PDE4D: variants seen among roughly 807,000 people sequenced by gnomAD.
PDE4D encodes the protein 3',5'-cyclic-AMP phosphodiesterase 4D.
A neutral mutation model predicts 87.4 loss-of-function variants in PDE4D; 24 were observed. That is an observed-to-expected ratio of 0.27 (90% CI 0.20 to 0.39). The LOEUF is 0.39. Among genes scored for constraint, PDE4D ranks in the 10% least tolerant of loss-of-function variants. The probability of loss-of-function intolerance (pLI) is 1.00; values close to 1 mark genes in which losing one functional copy is unlikely to be tolerated. For synonymous variants in PDE4D, 384 were observed against 383.2 expected (o/e 1.00, Z -0.02); for missense variants, 714 against 1,041.0 (o/e 0.69, Z 4.32).
At chr5:60,494,812 T>G (rs1749724855) in intron 1 of PDE4D, among the ~76,000 whole-genome samples, 1 of 152,214 alleles carries the variant, frequency 6.6e-6, no homozygotes, top group Non-Finnish European at 1.5e-5. Context: ...TCAGGCCTCA[T>G]GAAGCATGAC....
intron 2 of PDE4D, among the ~76,000 whole-genome samples, chr5:60,089,932 G>A (rs34809636): frequency 0.2 from 30,188 of 151,172 alleles, 3,410 homozygotes; most frequent in African/African-American, 0.32. Flanking sequence ...AGAAATGGAT[G>A]AATTTCTGGA....
At chr5:59,699,145 A>T (rs1188813689) in intron 1 of PDE4D, among the ~76,000 whole-genome samples, 1 of 152,132 alleles carries the variant, frequency 6.6e-6, no homozygotes, top group Non-Finnish European at 1.5e-5. Flanking sequence ...CAGCTGGGGA[A>T]ATGTAATTCT....
chr5:59,568,061 C>T (rs911515903), intron 1 of PDE4D, among the ~76,000 whole-genome samples: 3 of 152,158 alleles, frequency 2.0e-5, no homozygotes, highest in Non-Finnish European at 2.9e-5. Flanking sequence ...GGAACGTGTG[C>T]TCCTTGGAGA....
chr5:60,431,421 TCA>T (rs1156353056), intron 1 of PDE4D, among the ~76,000 whole-genome samples: 3 of 149,116 alleles, frequency 2.0e-5, no homozygotes, highest in African/African-American at 7.5e-5. Flanking sequence ...GAGGCGCTCC[TCA>T]CATCCCAGAC....
chr5:60,360,092 TA>T (rs1759935655), intron 1 of PDE4D, among the ~76,000 whole-genome samples: 1 of 152,182 alleles, frequency 6.6e-6, no homozygotes, highest in Non-Finnish European at 1.5e-5. Context: ...CCCATAGAGC[TA>T]AAGTGGATGT....
At chr5:59,711,128 T>C (rs78595939) in intron 1 of PDE4D, among the ~76,000 whole-genome samples, 3,598 of 152,258 alleles carry the variant, frequency 0.024, 104 homozygotes, top group African/African-American at 0.071. Flanking sequence ...GCAGTAAGTA[T>C]GGAAATGTAT....
At chr5:59,751,436 G>C (rs1158836073) in intron 1 of PDE4D, among the ~76,000 whole-genome samples, 1 of 152,186 alleles carries the variant, frequency 6.6e-6, no homozygotes, top group East Asian at 1.9e-4. Flanking sequence ...TCCAACTATT[G>C]AAAGTGTTCA....
intron 1 of PDE4D, among the ~76,000 whole-genome samples, chr5:60,216,467 A>G (rs1743859344): frequency 6.6e-6 from 1 of 152,142 alleles, no homozygotes; most frequent in Non-Finnish European, 1.5e-5. Context: ...TTAAATGTAA[A>G]TGGATTAAAT....
At chr5:60,209,616 T>C (rs185249138) in intron 1 of PDE4D, among the ~76,000 whole-genome samples, 1 of 152,252 alleles carries the variant, frequency 6.6e-6, no homozygotes, top group African/African-American at 2.4e-5. Flanking sequence ...TTTTCCTAGT[T>C]TGGGCATAGT....
At chr5:59,562,073 C>T (rs1020049389) in intron 1 of PDE4D, among the ~76,000 whole-genome samples, 4 of 152,198 alleles carry the variant, frequency 2.6e-5, no homozygotes, top group African/African-American at 9.7e-5. Context: ...TTCTCTACTG[C>T]ATATGTCAAT....
intron 2 of PDE4D, among the ~76,000 whole-genome samples, chr5:60,167,142 T>A (rs567227204): frequency 1.3e-5 from 2 of 152,308 alleles, no homozygotes; most frequent in South Asian, 2.1e-4. Context: ...AACTTTCTAC[T>A]CCTTTGTTTT....
intron 1 of PDE4D, among the ~76,000 whole-genome samples, chr5:59,623,098 C>T (rs1830519213): frequency 6.6e-6 from 1 of 152,190 alleles, no homozygotes; most frequent in Non-Finnish European, 1.5e-5. Context: ...AATTGCATGA[C>T]TCATCCAAAT....
At chr5:59,072,503 C>T (rs55868449) in intron 5 of PDE4D, among the ~76,000 whole-genome samples, 45,377 of 152,024 alleles carry the variant, frequency 0.3, 7,064 homozygotes, top group Middle Eastern at 0.36. Flanking sequence ...CCTGCCTAGG[C>T]CCCCCTTGTC....
intron 1 of PDE4D, among the ~76,000 whole-genome samples, chr5:59,806,216 T>TA (rs1767716442): frequency 6.6e-6 from 1 of 152,272 alleles, no homozygotes; most frequent in East Asian, 1.9e-4. Flanking sequence ...TCCAAAGCCA[T>TA]ATCTGGATTT....
intron 1 of PDE4D, among the ~76,000 whole-genome samples, chr5:59,779,122 G>A (rs374120209): frequency 2.0e-3 from 301 of 151,536 alleles, no homozygotes; most frequent in South Asian, 5.4e-3. Flanking sequence ...AGATTGCACC[G>A]CTGCACTCCA....
intron 1 of PDE4D, among the ~76,000 whole-genome samples, chr5:60,203,781 G>A (rs1742189250): frequency 1.3e-5 from 2 of 152,232 alleles, no homozygotes; most frequent in Middle Eastern, 3.4e-3. Context: ...CTTAACTGGA[G>A]ATAGGATGTA....
At chr5:59,362,067 C>A (rs1472032604) in intron 1 of PDE4D, among the ~76,000 whole-genome samples, 1 of 152,104 alleles carries the variant, frequency 6.6e-6, no homozygotes. Context: ...TGTTGCCTGA[C>A]CTTGCTGAGT....
At chr5:59,908,344 T>A (rs1373940104) in intron 3 of PDE4D, among the ~76,000 whole-genome samples, 1 of 152,170 alleles carries the variant, frequency 6.6e-6, no homozygotes, top group Non-Finnish European at 1.5e-5. Context: ...ATGGAATTAC[T>A]TTTGGAAAAG....
chr5:59,973,948 A>G (rs941483307), intron 3 of PDE4D, among the ~76,000 whole-genome samples: 11 of 152,212 alleles, frequency 7.2e-5, no homozygotes, highest in African/African-American at 2.7e-4. Context: ...TCTCAATCAT[A>G]CAACTCTATC....
Sources: allele counts gnomAD v4.1 joint callset (sites outside exome capture counted in the v4.1 genomes callset), GRCh38; gene constraint gnomAD v4.1.1; transcripts MANE v1.5; gene names NCBI Gene and HGNC (gene_info 2026-07-23, HGNC 2026-07-21).